RPS6KB1: variants seen among roughly 807,000 people sequenced by gnomAD.
RPS6KB1 encodes the protein ribosomal protein S6 kinase beta-1.
In RPS6KB1, 12 loss-of-function variants were observed where a neutral mutation model predicts 70.2. The observed-to-expected ratio is 0.17, with a 90% CI of 0.11 to 0.28. RPS6KB1 has a LOEUF of 0.28. Among genes scored for constraint, RPS6KB1 ranks in the 10% least tolerant of loss-of-function variants. The pLI, the probability that RPS6KB1 is intolerant of heterozygous loss-of-function variation, is 1.00. For synonymous variants in RPS6KB1, 175 were observed against 211.2 expected (o/e 0.83, Z 1.49); for missense variants, 270 against 646.6 (o/e 0.42, Z 6.32).
At chr17:59,944,075 C>T (rs181753715) in intron 13 of RPS6KB1, among the ~76,000 whole-genome samples, 1 of 151,966 alleles carries the variant, frequency 6.6e-6, no homozygotes, top group Non-Finnish European at 1.5e-5. Context: ...ACAGCCTGTA[C>T]CTCTTGGTAG....
In RPS6KB1 at chr17:59,946,907, AC is replaced by A. The variant is rs2044960074; in HGVS notation, c.*120del. The stretch of plus-strand genomic sequence containing the variant: ...CAGAGAGTCAATGTCATTACATAGA[AC>A]ACTTCAGACACAGGAAAAATAAACG... On this transcript the variant is annotated 3_prime_UTR_variant, in exon 15 of 15. Transcript: ENST00000225577. This position sits in a 1 kb window ranked among gnomAD's most constrained non-coding sequence, Gnocchi z 4.2. 6.6e-7 allele frequency: 1 copy of A among 1,513,526 alleles called. No homozygotes were observed. The highest frequency in any genetic ancestry group is 1.4e-5 in the South Asian group (1 of 73,750). The allele number at this position is 1,513,526 out of a possible 1,614,324, so 93.8% of individuals were successfully genotyped here.
At chr17:59,945,242 AAAG>A (rs1429674695) in intron 13 of RPS6KB1, 161 bp from the exon 14 acceptor site, 2 of 488,716 alleles carry the variant, frequency 4.1e-6, no homozygotes, top group Non-Finnish European at 7.4e-6. Flanking sequence ...AAATGGCTGG[AAAG>A]AAGTTAACGG....
intron 10 of RPS6KB1, among the ~76,000 whole-genome samples, chr17:59,935,732 C>A (rs1320972714): frequency 6.6e-6 from 1 of 152,020 alleles, no homozygotes; most frequent in Non-Finnish European, 1.5e-5. Flanking sequence ...GCCCTGGCCT[C>A]CCAAAGTGCT....
Position 59,893,244 on chromosome 17 carries a change from A to G in RPS6KB1, c.60A>G (p.Glu20=). 6.2e-7 allele frequency: 1 copy of G among 1,613,026 alleles called. No homozygotes were observed. The highest frequency in any genetic ancestry group is 8.5e-7 in the Non-Finnish European group (1 of 1,179,612). The change falls in exon 1 of 15, where the codon GAA becomes GAG. Residue 20 remains glutamate (E), a synonymous_variant. Coordinates refer to ENST00000225577, the MANE Select transcript of RPS6KB1 (RefSeq NM_003161.4). This position sits in a 1 kb window ranked among gnomAD's most constrained non-coding sequence, Gnocchi z 4.1. ...FYPAPDFRDR[E]AEDMAGVFDI... Reference sequence around the variant, plus strand: ...CAGCCCCGGACTTCCGAGACAGGGAAGCTGAGGACATGGCAGGAGTGTTTG... The same window carrying G: ...CAGCCCCGGACTTCCGAGACAGGGAGGCTGAGGACATGGCAGGAGTGTTTG...
Position 59,947,007 on chromosome 17 carries a change from A to C in RPS6KB1, c.*219A>C. 1 of 1,379,226 alleles carries C rather than the reference A, an allele frequency of 7.3e-7. No homozygotes were observed. The highest frequency in any genetic ancestry group is 1.6e-5 in the South Asian group (1 of 61,832). 85.4% of individuals were successfully genotyped at this position (1,379,226 alleles called of 1,614,324 possible). ...ATAGTATTGCTGAACTCTTAGGCAC[A>C]TCAATTAATTGATTCCTCGCGACAT... On this transcript the variant is annotated 3_prime_UTR_variant, in exon 15 of 15. Transcript: ENST00000225577.
intron 4 of RPS6KB1, among the ~76,000 whole-genome samples, chr17:59,916,935 T>G (rs1461130080): frequency 2.6e-5 from 4 of 152,140 alleles, no homozygotes; most frequent in Non-Finnish European, 5.9e-5. Flanking sequence ...TGAAAATTAT[T>G]TTCACTTAGA....
At chr17:59,942,768 TC>T (rs2044688246) in intron 13 of RPS6KB1, among the ~76,000 whole-genome samples, 1 of 152,038 alleles carries the variant, frequency 6.6e-6, no homozygotes, top group Non-Finnish European at 1.5e-5. Flanking sequence ...AACCTTGAGG[TC>T]AGGAGTTCAA....
Position 59,893,378 on chromosome 17 carries a change from C to T in RPS6KB1, c.141+53C>T. 6.5e-7 allele frequency: 1 copy of T among 1,542,904 alleles called. No homozygotes were observed. The highest frequency in any genetic ancestry group is 8.8e-7 in the Non-Finnish European group (1 of 1,137,950). On this transcript the variant is annotated intron_variant, in intron 1 of 14. Transcript: ENST00000225577. This position sits in a 1 kb window ranked among gnomAD's most constrained non-coding sequence, Gnocchi z 4.1. ...AGGTGACAGGGCCGGGGCGGCGGCG[C>T]GGGCTCAGGAAGCGCGGTGTGTCCT...
chr17:59,909,260 T>A, intron 1 of RPS6KB1, among the ~76,000 whole-genome samples: 1 of 19,240 alleles, frequency 5.2e-5, no homozygotes, highest in Non-Finnish European at 9.1e-5. Context: ...TTTTTTTTTT[T>A]TTTTTTTTTT....
chr17:59,931,808 A>G, intron 7 of RPS6KB1, 86 bp downstream of exon 7: 2 of 802,328 alleles, frequency 2.5e-6, no homozygotes, highest in Non-Finnish European at 4.1e-6. Flanking sequence ...AAAGCCCCAA[A>G]TTCATCTCTC....
chr17:59,914,929 G>A (rs775415430), intron 4 of RPS6KB1, among the ~76,000 whole-genome samples: 41 of 152,142 alleles, frequency 2.7e-4, no homozygotes, highest in South Asian at 6.2e-4. Flanking sequence ...AGGAGTTCAA[G>A]GGTAGCCTGA....
chr17:59,942,154 A>T (rs2044648535), intron 13 of RPS6KB1, among the ~76,000 whole-genome samples: 1 of 151,978 alleles, frequency 6.6e-6, no homozygotes, highest in African/African-American at 2.4e-5. Context: ...CACCACGCCC[A>T]GTCGATGGTC....
Position 59,934,059 on chromosome 17 carries a change from T to G in RPS6KB1, c.689-111T>G, listed in dbSNP as rs772271634. On this transcript the variant is annotated intron_variant, in intron 7 of 14. Transcript: ENST00000225577. This position sits in a 1 kb window ranked among gnomAD's most constrained non-coding sequence, Gnocchi z 4.8. The stretch of plus-strand genomic sequence containing the variant: ...TGTTCTTGACATCTGCAAGAAAATT[T>G]GAGGCAAGAAAAGTTAAATGGAAGG... 2 of 751,268 alleles carry G rather than the reference T, an allele frequency of 2.7e-6. No individual in the cohort carries two copies. Among genetic ancestry groups the G allele is most frequent in the Non-Finnish European group, 4.6e-6 (2 of 432,492 alleles). 46.5% of individuals were successfully genotyped at this position (751,268 alleles called of 1,614,324 possible). A position where few individuals can be genotyped will look rare whatever the true frequency, so the allele number is the denominator to read the frequency against.
chr17:59,900,171 A>AACACACACACACAC lies in RPS6KB1; in HGVS notation c.141+6893_141+6906dup, dbSNP rs759914423. 5.1e-3 allele frequency among the ~76,000 whole-genome samples: 518 copies of AACACACACACACAC among 102,464 alleles called. 7 individuals are homozygous for AACACACACACACAC. Among genetic ancestry groups the AACACACACACACAC allele is most frequent in the Middle Eastern group, 9.0e-3 (2 of 222 alleles). 67.2% of individuals were successfully genotyped at this position (102,464 alleles called of 152,430 possible). A position where few individuals can be genotyped will look rare whatever the true frequency, so the allele number is the denominator to read the frequency against. On this transcript the variant is annotated intron_variant, in intron 1 of 14. Transcript: ENST00000225577. Reference sequence around the variant, plus strand: ...CTGGGTGACAGAAACCTAATTGCTAAACACACACACACACACACACACACA... The same window carrying AACACACACACACAC: ...CTGGGTGACAGAAACCTAATTGCTAAACACACACACACACACACACACACACACACACACACACA...
chr17:59,943,654 G>A (rs1045023569), intron 13 of RPS6KB1, among the ~76,000 whole-genome samples: 44 of 151,820 alleles, frequency 2.9e-4, no homozygotes, highest in Non-Finnish European at 4.4e-4. Context: ...TGAGGTGGGC[G>A]GATCACAAGG....
chr17:59,921,154 C>T (rs577976012), intron 4 of RPS6KB1, among the ~76,000 whole-genome samples: 1 of 152,142 alleles, frequency 6.6e-6, no homozygotes, highest in South Asian at 2.1e-4. Context: ...TTTCCCCACT[C>T]ATGGTGGGTG....
chr17:59,895,261 C>G (rs2041468687), intron 1 of RPS6KB1, among the ~76,000 whole-genome samples: 1 of 149,982 alleles, frequency 6.7e-6, no homozygotes, highest in Admixed American at 6.7e-5. Flanking sequence ...ACCTCGTAAT[C>G]TGCCCGCCTC....
At chr17:59,927,877 A>C (rs1183456338) in intron 5 of RPS6KB1, among the ~76,000 whole-genome samples, 3 of 150,606 alleles carry the variant, frequency 2.0e-5, no homozygotes, top group African/African-American at 7.3e-5. Context: ...AAGAATTCCT[A>C]TGCCAGGCTC....
chr17:59,902,548 A>G (rs918859891), intron 1 of RPS6KB1, among the ~76,000 whole-genome samples: 7 of 149,550 alleles, frequency 4.7e-5, no homozygotes, highest in African/African-American at 1.7e-4. Flanking sequence ...CAGATGTTCA[A>G]CTGAATTGTG....
Sources: gnomAD v4.1 joint callset for allele counts (sites outside exome capture counted in the v4.1 genomes callset) on GRCh38, gnomAD v4.1.1 for gene constraint, Gnocchi (gnomAD v3.1) non-coding constraint, MANE v1.5 for transcripts, NCBI Gene and HGNC (gene_info 2026-07-23, HGNC 2026-07-21) for gene names.